Variants in ALDH18A1 observed in about 807,000 individuals in gnomAD.
ALDH18A1 encodes delta-1-pyrroline-5-carboxylate synthase.
In ALDH18A1, 44 loss-of-function variants were observed where a neutral mutation model predicts 88.8. That is an observed-to-expected ratio of 0.50 (90% CI 0.39 to 0.64). The LOEUF (loss-of-function observed/expected upper bound fraction) is 0.64, where lower values mean the gene tolerates loss of function less well. ALDH18A1 is among the 30% of genes least tolerant of loss of function. ALDH18A1 has a pLI of 0.00. For synonymous variants in ALDH18A1, 331 were observed against 372.1 expected, an observed-to-expected ratio of 0.89 and a Z score of 1.27; for missense variants, 782 against 1,009.5, an observed-to-expected ratio of 0.77 and a Z score of 3.05.
intron 2 of ALDH18A1, among the ~76,000 whole-genome samples, chr10:95,646,809 G>A (rs188450163): frequency 5.9e-5 from 9 of 152,296 alleles, no homozygotes; most frequent in Admixed American, 3.3e-4. Context: ...GTGTACAGAT[G>A]TGGCATGGTG....
At chr10:95,607,656 G>A (rs554750468) in intron 17 of ALDH18A1, among the ~76,000 whole-genome samples, 3 of 152,290 alleles carry the variant, frequency 2.0e-5, no homozygotes, top group Non-Finnish European at 2.9e-5. Context: ...TATAGCAGGC[G>A]AGGCAGCCAA....
chr10:95,627,427 T>G lies in ALDH18A1; in HGVS notation c.1078+15A>C, dbSNP rs942119364. Reference sequence around the variant, plus strand: ...TCCCATCACAGGCCTTGGGACCTTATGAAGAACTATTTACCTGCAGGCTTT... The same window carrying G: ...TCCCATCACAGGCCTTGGGACCTTAGGAAGAACTATTTACCTGCAGGCTTT... On this transcript the variant is annotated intron_variant, in intron 9 of 17. Transcript: ENST00000371224. 2 of 1,613,988 alleles carry G rather than the reference T, an allele frequency of 1.2e-6. No homozygotes were observed. Among genetic ancestry groups the G allele is most frequent in the African/African-American group, 2.7e-5 (2 of 74,948 alleles).
chr10:95,627,615 A>G, intron 8 of ALDH18A1, 29 bp from the exon 9 acceptor site: 1 of 1,613,676 alleles, frequency 6.2e-7, no homozygotes, highest in Non-Finnish European at 8.5e-7. Flanking sequence ...TCCAGTAAAG[A>G]TGAGATTCAG....
At chr10:95,655,917 C>T (rs1044490976) in intron 1 of ALDH18A1, among the ~76,000 whole-genome samples, 3 of 152,132 alleles carry the variant, frequency 2.0e-5, no homozygotes, top group African/African-American at 7.2e-5. Flanking sequence ...CAAACACATG[C>T]TCGGTATATG....
At chr10:95,609,657 T>C (rs2139523403) in intron 17 of ALDH18A1, among the ~76,000 whole-genome samples, 1 of 152,264 alleles carries the variant, frequency 6.6e-6, no homozygotes, top group Admixed American at 6.5e-5. Context: ...TGAATACAAG[T>C]ACCTGCCTTC....
At chr10:95,614,642 C>T (rs2097841362) in intron 13 of ALDH18A1, among the ~76,000 whole-genome samples, 1 of 152,300 alleles carries the variant, frequency 6.6e-6, no homozygotes, top group African/African-American at 2.4e-5. Context: ...AGTCATGGTT[C>T]TCATGACTTC....
intron 3 of ALDH18A1, among the ~76,000 whole-genome samples, chr10:95,641,835 T>C (rs1338754041): frequency 6.6e-6 from 1 of 151,340 alleles, no homozygotes; most frequent in Non-Finnish European, 1.5e-5. Flanking sequence ...GAGATGGGGG[T>C]CTCACTATGT....
chr10:95,613,694 C>T, intron 15 of ALDH18A1, 48 bp downstream of exon 15: 1 of 1,611,852 alleles, frequency 6.2e-7, no homozygotes, highest in Non-Finnish European at 8.5e-7. Context: ...TCTAATTCCA[C>T]AGGCTTCTAA....
In ALDH18A1 at chr10:95,625,390, G is replaced by A; in HGVS notation, c.1218C>T (p.Ala406=). The part of the protein sequence containing the change: ...LTDQRDEILL[A]NKKDLEEAEG... Reference sequence around the variant, plus strand: ...CTGCCTCCTCCAAGTCTTTTTTGTTGGCTAACAGGATCTCATCACGCTGGT... The same window carrying A: ...CTGCCTCCTCCAAGTCTTTTTTGTTAGCTAACAGGATCTCATCACGCTGGT... Residue 406 remains alanine, a synonymous_variant, in exon 11 of 18, where the codon GCC becomes GCT. Transcript: ENST00000371224. The A allele has an allele frequency of 6.2e-7, 1 of 1,613,764 alleles. No homozygotes were observed. The highest frequency in any genetic ancestry group is 8.5e-7 in the Non-Finnish European group (1 of 1,179,908).
intron 2 of ALDH18A1, among the ~76,000 whole-genome samples, chr10:95,643,671 CAT>C (rs1435900470): frequency 7.9e-5 from 12 of 152,030 alleles, no homozygotes; most frequent in South Asian, 2.1e-4. Flanking sequence ...TGTATAAACA[CAT>C]AGATGGATAA....
At position 95,606,004 on chromosome 10, in the gene ALDH18A1, T is replaced by C. The variant is rs1159715117; in HGVS notation, c.*758A>G. The C allele has an allele frequency of 6.5e-6, 1 of 153,582 alleles. No homozygotes were observed. The highest frequency in any genetic ancestry group is 2.4e-5 in the African/African-American group (1 of 41,486). The allele number at this position is 153,582 out of a possible 1,614,324, so 9.5% of individuals were successfully genotyped here. A position where few individuals can be genotyped will look rare whatever the true frequency, so the allele number is the denominator to read the frequency against. On this transcript the variant is annotated 3_prime_UTR_variant, in exon 18 of 18. Coordinates refer to ENST00000371224, the MANE Select transcript of ALDH18A1 (RefSeq NM_002860.4). ...AATCCAAAGTATTAAAATAATCCTC[T>C]AATTTTTGTTTTGGAGGAAAAGGGT...
chr10:95,620,395 C>T (rs866384640), intron 12 of ALDH18A1, among the ~76,000 whole-genome samples: 1 of 152,132 alleles, frequency 6.6e-6, no homozygotes, highest in East Asian at 1.9e-4. Flanking sequence ...GGATCTAGAA[C>T]TAGAAATACG....
intron 16 of ALDH18A1, among the ~76,000 whole-genome samples, chr10:95,610,829 A>G (rs2097832654): frequency 6.6e-6 from 1 of 152,136 alleles, no homozygotes; most frequent in African/African-American, 2.4e-5. Context: ...TTGGGGCCCT[A>G]CTGGCATCCT....
intron 2 of ALDH18A1, among the ~76,000 whole-genome samples, chr10:95,649,065 A>G (rs1319414242): frequency 6.6e-6 from 1 of 152,228 alleles, no homozygotes. Flanking sequence ...TGAAGCTTGG[A>G]AATGGACTAC....
At chr10:95,625,704 G>T (rs1255371584) in intron 10 of ALDH18A1, among the ~76,000 whole-genome samples, 3 of 144,354 alleles carry the variant, frequency 2.1e-5, no homozygotes, top group African/African-American at 7.7e-5. Context: ...TATGACTCCT[G>T]ATTATTATAA....
chr10:95,608,528 G>A (rs929945859), intron 17 of ALDH18A1, among the ~76,000 whole-genome samples: 16 of 152,208 alleles, frequency 1.1e-4, no homozygotes, highest in African/African-American at 3.9e-4. Flanking sequence ...TATACAGATA[G>A]GGCCTCACTC....
chr10:95,652,871 T>C (rs1350360655), intron 2 of ALDH18A1, among the ~76,000 whole-genome samples: 2 of 152,018 alleles, frequency 1.3e-5, no homozygotes, highest in Non-Finnish European at 2.9e-5. Flanking sequence ...TTACATCTTT[T>C]TTTTCTCTCT....
In ALDH18A1 at chr10:95,625,354, G is replaced by T. The variant is rs755580308; in HGVS notation, c.1246+8C>A. 1.2e-6 allele frequency: 2 copies of T among 1,613,174 alleles called. No individual in the cohort carries two copies. The highest frequency in any genetic ancestry group is 1.7e-5 in the Admixed American group (1 of 59,994). ...CACAACATTGACTTTAAATTGCCTG[G>T]TCTTTACCCTCTGCCTCCTCCAAGT... On this transcript the variant is annotated splice_region_variant and intron_variant, in intron 11 of 17. Transcript: ENST00000371224.
At position 95,632,963 on chromosome 10, in the gene ALDH18A1, T is replaced by C. The variant is rs745977853; in HGVS notation, c.804A>G (p.Val268=). The C allele has an allele frequency of 8.1e-6, 13 of 1,613,758 alleles. No homozygotes were observed. The highest frequency in any genetic ancestry group is 5.5e-5 in the South Asian group (5 of 91,080). The change falls in exon 7 of 18, where the codon GTA becomes GTG. Residue 268 remains valine, a synonymous_variant. Transcript: ENST00000371224. ...KTDLLIVLSD[V]EGLFDSPPGS... ...GAAAAAAGCATTACTTTGTACCTTC[T>C]ACATCTGAAAGAACAATCAAGAGAT...
Sources: allele counts gnomAD v4.1 joint callset (sites outside exome capture counted in the v4.1 genomes callset), GRCh38; gene constraint gnomAD v4.1.1; transcripts MANE v1.5; gene names NCBI Gene and HGNC (gene_info 2026-07-23, HGNC 2026-07-21).